STARD13: variants seen among roughly 807,000 people sequenced by gnomAD.
STARD13 encodes StAR related lipid transfer domain containing 13.
Under a neutral mutation model 106.4 loss-of-function variants are expected in STARD13, and 62 were observed. The ratio of observed to expected loss-of-function variants is 0.58; its 90% CI spans 0.48 to 0.72. The LOEUF (loss-of-function observed/expected upper bound fraction) is 0.72, where lower values mean the gene tolerates loss of function less well. Among genes scored for constraint, STARD13 ranks in the 30% least tolerant of loss-of-function variants. The pLI is 0.00. For synonymous variants in STARD13, 565 were observed against 553.0 expected, an observed-to-expected ratio of 1.02 and a Z score of -0.31; for missense variants, 1,387 against 1,424.0, an observed-to-expected ratio of 0.97 and a Z score of 0.42.
chr13:33,337,079 G>T (rs2077905787), intron 1 of STARD13, among the ~76,000 whole-genome samples: 1 of 152,020 alleles, frequency 6.6e-6, no homozygotes, highest in Non-Finnish European at 1.5e-5. Flanking sequence ...AGCAAAGGAG[G>T]ATTTAACCTA....
intron 1 of STARD13, among the ~76,000 whole-genome samples, chr13:33,264,422 G>T (rs114568778): frequency 1.1e-3 from 170 of 152,316 alleles, no homozygotes; most frequent in African/African-American, 3.9e-3. Context: ...GGGTCCTGTT[G>T]GTTTAGCTCA....
the STARD13 span, among the ~76,000 whole-genome samples, chr13:33,436,112 G>T: frequency 6.6e-6 from 1 of 152,176 alleles, no homozygotes; most frequent in African/African-American, 2.4e-5. Context: ...CTTGGAGGAA[G>T]GTTGAATAGC....
chr13:33,590,916 T>C, the STARD13 span, among the ~76,000 whole-genome samples: 9 of 152,334 alleles, frequency 5.9e-5, no homozygotes, highest in African/African-American at 1.9e-4. Flanking sequence ...GCTTTGAGAA[T>C]TTAAACTTAT....
intron 1 of STARD13, among the ~76,000 whole-genome samples, chr13:33,201,612 C>A (rs1200395212): frequency 3.3e-5 from 5 of 152,370 alleles, no homozygotes; most frequent in Non-Finnish European, 5.9e-5. Context: ...ATCTCCAGCT[C>A]TCCATGCAGT....
At chr13:33,226,297 A>C (rs1490476623) in intron 1 of STARD13, among the ~76,000 whole-genome samples, 1 of 152,144 alleles carries the variant, frequency 6.6e-6, no homozygotes, top group Non-Finnish European at 1.5e-5. Flanking sequence ...TTTTTTTATA[A>C]ATAAGTTGTT....
chr13:33,602,523 C>T, the STARD13 span, among the ~76,000 whole-genome samples: 1 of 152,180 alleles, frequency 6.6e-6, no homozygotes, highest in Non-Finnish European at 1.5e-5. Flanking sequence ...AGGTGGGGGG[C>T]AGTTTATTAA....
chr13:33,304,418 A>G (rs779711378), intron 1 of STARD13, among the ~76,000 whole-genome samples: 3 of 152,328 alleles, frequency 2.0e-5, no homozygotes, highest in South Asian at 2.1e-4. Flanking sequence ...TTAATTTCAT[A>G]TAATTAAATT....
intron 1 of STARD13, among the ~76,000 whole-genome samples, chr13:33,243,648 T>C (rs1239767076): frequency 1.3e-5 from 2 of 152,138 alleles, no homozygotes; most frequent in Non-Finnish European, 2.9e-5. Context: ...CCAGGGATAA[T>C]GGTGTCCCGG....
the STARD13 span, among the ~76,000 whole-genome samples, chr13:33,521,719 C>T: frequency 5.0e-4 from 76 of 152,142 alleles, no homozygotes; most frequent in African/African-American, 1.6e-3. Context: ...ATTTTGTGAA[C>T]GGACCGGAAA....
chr13:33,561,412 T>A, the STARD13 span, among the ~76,000 whole-genome samples: 1 of 151,620 alleles, frequency 6.6e-6, no homozygotes, highest in African/African-American at 2.4e-5. Flanking sequence ...GACTCTGTGA[T>A]CCTCTGTGAT....
chr13:33,518,089 G>T, the STARD13 span, among the ~76,000 whole-genome samples: 1 of 152,114 alleles, frequency 6.6e-6, no homozygotes, highest in East Asian at 1.9e-4. Context: ...GGCAGGAAAA[G>T]GCTCTGAAAA....
chr13:33,317,736 G>C (rs2138518709), intron 1 of STARD13, among the ~76,000 whole-genome samples: 1 of 152,036 alleles, frequency 6.6e-6, no homozygotes, highest in Non-Finnish European at 1.5e-5. Context: ...TGATTTATTT[G>C]CTTATTATCT....
the STARD13 span, among the ~76,000 whole-genome samples, chr13:33,593,448 G>C: frequency 6.6e-6 from 1 of 152,162 alleles, no homozygotes; most frequent in South Asian, 2.1e-4. Context: ...CTCCCAAAGT[G>C]CTGGGATTAC....
At chr13:33,377,383 T>C in the STARD13 span, among the ~76,000 whole-genome samples, 1 of 152,124 alleles carries the variant, frequency 6.6e-6, no homozygotes, top group Non-Finnish European at 1.5e-5. Context: ...TAATAAGAGG[T>C]ATGTGTGTGA....
chr13:33,658,076 TCCAGTCCCTGGTAA>T, the STARD13 span: 1 of 152,284 alleles, frequency 6.6e-6, no homozygotes, highest in Non-Finnish European at 1.5e-5. Context: ...TGCCCCTTCC[TCCAGTCCCTGGTAA>T]CCACCATACT....
chr13:33,406,234 T>C, the STARD13 span, among the ~76,000 whole-genome samples: 4 of 152,342 alleles, frequency 2.6e-5, no homozygotes, highest in Admixed American at 1.3e-4. Flanking sequence ...ATTTAATACA[T>C]AGAAACATGT....
the STARD13 span, among the ~76,000 whole-genome samples, chr13:33,492,271 T>A: frequency 6.6e-6 from 1 of 152,192 alleles, no homozygotes; most frequent in African/African-American, 2.4e-5. Context: ...ATTGTAATAA[T>A]ACAGTTATCA....
At chr13:33,493,958 G>A in the STARD13 span, among the ~76,000 whole-genome samples, 1 of 152,114 alleles carries the variant, frequency 6.6e-6, no homozygotes, top group Non-Finnish European at 1.5e-5. Flanking sequence ...TAAACGACTT[G>A]GTGCGGGTTT....
At chr13:33,237,492 T>C (rs1889250974) in intron 1 of STARD13, among the ~76,000 whole-genome samples, 1 of 152,200 alleles carries the variant, frequency 6.6e-6, no homozygotes, top group South Asian at 2.1e-4. Context: ...ATTGACCTGT[T>C]TTGCAGTAGT....
Sources: allele counts gnomAD v4.1 joint callset (sites outside exome capture counted in the v4.1 genomes callset), GRCh38; gene constraint gnomAD v4.1.1; transcripts MANE v1.5; gene names NCBI Gene and HGNC (gene_info 2026-07-23, HGNC 2026-07-21).